PARD3: variants seen among roughly 807,000 people sequenced by gnomAD.
PARD3 encodes the protein par-3 family cell polarity regulator.
In PARD3, 75 loss-of-function variants were observed where a neutral mutation model predicts 155.4. The observed-to-expected ratio is 0.48, with a 90% CI of 0.40 to 0.58. The LOEUF is 0.58. Among genes scored for constraint, PARD3 ranks in the 20% least tolerant of loss-of-function variants. The probability of loss-of-function intolerance (pLI) is 0.00; values close to 1 mark genes in which losing one functional copy is unlikely to be tolerated. For missense variants in PARD3, 1,642 were observed against 1,721.7 expected, an observed-to-expected ratio of 0.95 and a Z score of 0.82; for synonymous variants, 576 against 610.5, an observed-to-expected ratio of 0.94 and a Z score of 0.83.
chr10:34,271,847 G>A (rs1036266875), intron 21 of PARD3, among the ~76,000 whole-genome samples: 2 of 152,154 alleles, frequency 1.3e-5, no homozygotes, highest in Non-Finnish European at 2.9e-5. Flanking sequence ...CAAAGTCAGA[G>A]GATATAAGAT....
intron 2 of PARD3, among the ~76,000 whole-genome samples, chr10:34,639,364 C>CA (rs988378495): frequency 2.0e-5 from 3 of 148,802 alleles, no homozygotes; most frequent in Non-Finnish European, 3.0e-5. Context: ...GACTCTGTCT[C>CA]AAAAAAATAA....
At chr10:34,150,809 T>C (rs1347398360) in intron 22 of PARD3, among the ~76,000 whole-genome samples, 2 of 152,232 alleles carry the variant, frequency 1.3e-5, no homozygotes, top group African/African-American at 4.8e-5. Context: ...ATTAAAAATT[T>C]GTTTAAATTC....
At chr10:34,727,878 CCACACACACA>C (rs61342514) in intron 1 of PARD3, among the ~76,000 whole-genome samples, 10 of 144,620 alleles carry the variant, frequency 6.9e-5, no homozygotes, top group South Asian at 2.2e-4. Flanking sequence ...CCTCCCTCCG[CCACACACACA>C]CACACACACA....
intron 22 of PARD3, among the ~76,000 whole-genome samples, chr10:34,202,786 G>A (rs1951279309): frequency 6.6e-6 from 1 of 152,204 alleles, no homozygotes; most frequent in South Asian, 2.1e-4. Flanking sequence ...GTCTAAGTAT[G>A]TGCTTAATAT....
At chr10:34,348,526 A>C (rs141362686) in intron 14 of PARD3, among the ~76,000 whole-genome samples, 1 of 152,216 alleles carries the variant, frequency 6.6e-6, no homozygotes, top group Non-Finnish European at 1.5e-5. Flanking sequence ...ATTTAGCTAT[A>C]GGTCTTAAAC....
intron 19 of PARD3, among the ~76,000 whole-genome samples, chr10:34,318,922 C>G (rs922663538): frequency 6.6e-6 from 1 of 151,578 alleles, no homozygotes; most frequent in Admixed American, 6.6e-5. Context: ...CCCACCACCA[C>G]GCCCAGCTAA....
At chr10:34,347,261 T>G (rs1837528580) in intron 15 of PARD3, among the ~76,000 whole-genome samples, 1 of 152,232 alleles carries the variant, frequency 6.6e-6, no homozygotes, top group Admixed American at 6.5e-5. Context: ...GATGAGCAGC[T>G]CAGTAAATCC....
At chr10:34,771,343 T>C (rs1838833814) in intron 1 of PARD3, among the ~76,000 whole-genome samples, 1 of 152,054 alleles carries the variant, frequency 6.6e-6, no homozygotes, top group Non-Finnish European at 1.5e-5. Flanking sequence ...TCATCTGAGG[T>C]AACAGCAACA....
At position 34,374,912 on chromosome 10, in the gene PARD3, C is replaced by T; in HGVS notation, c.1630G>A (p.Val544Ile). The change falls in exon 11 of 25, where the codon GTC (valine) becomes ATC (isoleucine). Residue 544 changes from valine to isoleucine, a missense_variant. Transcript: ENST00000374788. ...TKMEGTVSLL[V>I]FRQEDAFHPR... ...TGGAAGGCGTCTTCCTGGCGAAAGA[C>T]CAGAAGGCTCACAGTTCCTTCCATC... The T allele has an allele frequency of 6.2e-7, 1 of 1,613,988 alleles. No homozygotes were observed. The highest frequency in any genetic ancestry group is 8.5e-7 in the Non-Finnish European group (1 of 1,179,890).
intron 2 of PARD3, among the ~76,000 whole-genome samples, chr10:34,600,318 C>A (rs1325162753): frequency 6.6e-6 from 1 of 151,792 alleles, no homozygotes; most frequent in East Asian, 1.9e-4. Flanking sequence ...GCACTCCAGC[C>A]TGGGCGACAG....
intron 22 of PARD3, among the ~76,000 whole-genome samples, chr10:34,247,395 A>C (rs1191436326): frequency 6.6e-6 from 1 of 151,826 alleles, no homozygotes; most frequent in East Asian, 1.9e-4. Flanking sequence ...CCAGCTATTT[A>C]GGAGACTGAG....
At chr10:34,520,236 C>T (rs909561422) in intron 2 of PARD3, among the ~76,000 whole-genome samples, 11 of 152,094 alleles carry the variant, frequency 7.2e-5, no homozygotes, top group African/African-American at 2.4e-4. Context: ...AACCATTGTA[C>T]AGTCACAAAG....
chr10:34,238,198 T>C (rs749867604), intron 22 of PARD3, among the ~76,000 whole-genome samples: 2 of 152,216 alleles, frequency 1.3e-5, no homozygotes, highest in Non-Finnish European at 2.9e-5. Context: ...CTTTTCACTC[T>C]GCATTTCAGC....
intron 3 of PARD3, among the ~76,000 whole-genome samples, chr10:34,487,212 C>T (rs1489504918): frequency 1.3e-5 from 2 of 151,978 alleles, no homozygotes; most frequent in African/African-American, 4.8e-5. Flanking sequence ...TTTCTAAGGT[C>T]GGCCGGGCAG....
intron 2 of PARD3, among the ~76,000 whole-genome samples, chr10:34,532,855 G>C (rs984310194): frequency 6.6e-6 from 1 of 152,126 alleles, no homozygotes; most frequent in Non-Finnish European, 1.5e-5. Flanking sequence ...ATACAGTCAT[G>C]TCACTTAACA....
At chr10:34,174,179 T>C (rs1349010790) in intron 22 of PARD3, among the ~76,000 whole-genome samples, 2 of 152,196 alleles carry the variant, frequency 1.3e-5, no homozygotes, top group Non-Finnish European at 2.9e-5. Context: ...CACACTTAGG[T>C]GCTCTATTCT....
chr10:34,684,878 T>TACATACAC (rs374504248), intron 2 of PARD3, among the ~76,000 whole-genome samples: 1 of 137,776 alleles, frequency 7.3e-6, no homozygotes, highest in Non-Finnish European at 1.6e-5. Context: ...TACACACACA[T>TACATACAC]ACACACACAC....
intron 14 of PARD3, among the ~76,000 whole-genome samples, chr10:34,348,570 AC>A (rs1258528151): frequency 1.3e-5 from 2 of 152,218 alleles, no homozygotes; most frequent in African/African-American, 4.8e-5. Context: ...CAATTAGCAC[AC>A]ATTTTTCCAT....
At chr10:34,181,039 T>C (rs1283894210) in intron 22 of PARD3, among the ~76,000 whole-genome samples, 1 of 152,184 alleles carries the variant, frequency 6.6e-6, no homozygotes, top group Non-Finnish European at 1.5e-5. Context: ...ACTTTACCTC[T>C]CTGAGCCTTA....
Sources: gnomAD v4.1 joint callset for allele counts (sites outside exome capture counted in the v4.1 genomes callset) on GRCh38, gnomAD v4.1.1 for gene constraint, MANE v1.5 for transcripts, NCBI Gene and HGNC (gene_info 2026-07-23, HGNC 2026-07-21) for gene names.